The following KCND2 variants were observed in gnomAD, a reference collection of about 807,000 sequenced individuals.
KCND2 encodes the protein A-type voltage-gated potassium channel KCND2.
A neutral mutation model predicts 54.4 loss-of-function variants in KCND2; 16 were observed. The observed-to-expected ratio is 0.29, with a 90% CI of 0.20 to 0.45. The LOEUF (loss-of-function observed/expected upper bound fraction) is 0.45. KCND2 is among the 20% of genes least tolerant of loss of function. The probability of loss-of-function intolerance (pLI) is 1.00; values close to 1 mark genes in which losing one functional copy is unlikely to be tolerated. For missense variants in KCND2, 486 were observed against 824.2 expected, an observed-to-expected ratio of 0.59 and a Z score of 5.02; for synonymous variants, 317 against 310.7, an observed-to-expected ratio of 1.02 and a Z score of -0.21.
chr7:120,436,672 C>A (rs1283379864), intron 1 of KCND2, among the ~76,000 whole-genome samples: 1 of 152,170 alleles, frequency 6.6e-6, no homozygotes, highest in Non-Finnish European at 1.5e-5. Flanking sequence ...TCATCAGCCA[C>A]CCCTGCTGGC....
intron 1 of KCND2, among the ~76,000 whole-genome samples, chr7:120,608,518 G>GA (rs1195572646): frequency 6.6e-6 from 1 of 152,104 alleles, no homozygotes; most frequent in Non-Finnish European, 1.5e-5. Flanking sequence ...TCTGGTCCCA[G>GA]AAAAATAGAT....
At chr7:120,681,582 A>G (rs760395597) in intron 1 of KCND2, among the ~76,000 whole-genome samples, 13 of 152,148 alleles carry the variant, frequency 8.5e-5, no homozygotes, top group Non-Finnish European at 1.9e-4. Context: ...CACAAAATGA[A>G]GAAGTATGTA....
In KCND2 at chr7:120,701,824, C is replaced by T. The variant is rs912474930; in HGVS notation, c.1116-31079C>T. Among the ~76,000 whole-genome samples, 8 of 152,124 alleles carry T rather than the reference C, an allele frequency of 5.3e-5. No homozygotes were observed. The East Asian group carries it at 1.5e-3, about 29-fold the overall frequency. On this transcript the variant is annotated intron_variant, in intron 1 of 5. Transcript: ENST00000331113. ...AAATTAACTCAAGAAAGATTAAAGA[C>T]TTAAATGTAAAACTCAAAACTCTCA...
rs1235015088 is a variant in KCND2 at position 120,650,443 on chromosome 7, C to T, written c.1116-82460C>T. Among the ~76,000 whole-genome samples the T allele has an allele frequency of 3.5e-5, 5 of 142,724 alleles. 1 individual carries two copies. The highest frequency in any genetic ancestry group is 8.3e-5 in the African/African-American group (3 of 36,142). 93.6% of individuals were successfully genotyped at this position (142,724 alleles called of 152,430 possible). ...AGCTGTGCATTTGTCGTGTAGTTCT[C>T]GTGCCATGGTTTTCAGCTCCATCAG... On this transcript the variant is annotated intron_variant, in intron 1 of 5. Coordinates refer to ENST00000331113, the MANE Select transcript of KCND2 (RefSeq NM_012281.3).
At chr7:120,371,274 C>T (rs185512850) in intron 1 of KCND2, among the ~76,000 whole-genome samples, 3 of 152,164 alleles carry the variant, frequency 2.0e-5, no homozygotes, top group Middle Eastern at 3.4e-3. Context: ...GAAATAATTT[C>T]TGAGTAGATT....
At chr7:120,562,839 A>G (rs1027353471) in intron 1 of KCND2, among the ~76,000 whole-genome samples, 2 of 152,220 alleles carry the variant, frequency 1.3e-5, no homozygotes, top group African/African-American at 4.8e-5. Context: ...ATACAGACAC[A>G]GTTCAGAAAT....
chr7:120,711,607 C>A (rs1792539192), intron 1 of KCND2, among the ~76,000 whole-genome samples: 1 of 152,074 alleles, frequency 6.6e-6, no homozygotes, highest in African/African-American at 2.4e-5. Context: ...TGAGGATATA[C>A]CCGTTCTTGT....
At chr7:120,662,025 A>G (rs947287928) in intron 1 of KCND2, among the ~76,000 whole-genome samples, 1 of 152,092 alleles carries the variant, frequency 6.6e-6, no homozygotes, top group African/African-American at 2.4e-5. Flanking sequence ...ACCTATTATA[A>G]AAGTATTTAG....
At chr7:120,340,015 A>G (rs544801913) in intron 1 of KCND2, among the ~76,000 whole-genome samples, 1 of 152,250 alleles carries the variant, frequency 6.6e-6, no homozygotes, top group African/African-American at 2.4e-5. Flanking sequence ...TCAGAAAGGG[A>G]GTGGAGCCTA....
At chr7:120,323,553 G>A (rs910603629) in intron 1 of KCND2, among the ~76,000 whole-genome samples, 6 of 150,406 alleles carry the variant, frequency 4.0e-5, no homozygotes, top group Non-Finnish European at 8.9e-5. Flanking sequence ...GTGGTGTTTG[G>A]TTTTTTGTCC....
chr7:120,510,665 A>G (rs1452582750), intron 1 of KCND2, among the ~76,000 whole-genome samples: 1 of 152,062 alleles, frequency 6.6e-6, no homozygotes, highest in Non-Finnish European at 1.5e-5. Flanking sequence ...AAGGAGCACT[A>G]AATTATTTCC....
chr7:120,676,998 T>TTAAA (rs140867), intron 1 of KCND2, among the ~76,000 whole-genome samples: 53,139 of 151,724 alleles, frequency 0.35, 10,350 homozygotes, highest in African/African-American at 0.51. Flanking sequence ...TGAGTTCTGA[T>TTAAA]TAAACATTCA....
rs535180691 is a variant in KCND2 at position 120,670,976 on chromosome 7, T to G, written c.1116-61927T>G. 7.3e-5 allele frequency among the ~76,000 whole-genome samples: 11 copies of G among 149,924 alleles called. No individual in the cohort carries two copies. In the East Asian group the frequency reaches 2.2e-3, roughly 30 times the overall value. On this transcript the variant is annotated intron_variant, in intron 1 of 5. Transcript: ENST00000331113. ...ACAACATTGGTGTTATTATTACCTCTGAAAAGATTGCTAGTCCTTAATCTA... is the reference window on the plus strand; with the variant it reads ...ACAACATTGGTGTTATTATTACCTCGGAAAAGATTGCTAGTCCTTAATCTA...
intron 1 of KCND2, among the ~76,000 whole-genome samples, chr7:120,450,790 C>G (rs1219305996): frequency 6.6e-6 from 1 of 152,084 alleles, no homozygotes; most frequent in African/African-American, 2.4e-5. Flanking sequence ...AAAGAAATGA[C>G]CTACTGATCT....
chr7:120,624,573 A>C (rs997966559), intron 1 of KCND2, among the ~76,000 whole-genome samples: 3 of 152,232 alleles, frequency 2.0e-5, no homozygotes, highest in Admixed American at 6.5e-5. Flanking sequence ...TGAGCCCAGG[A>C]GTTCAAGACC....
chr7:120,433,202 C>T (rs1801819310), intron 1 of KCND2, among the ~76,000 whole-genome samples: 1 of 152,156 alleles, frequency 6.6e-6, no homozygotes, highest in Non-Finnish European at 1.5e-5. Flanking sequence ...GGGTGAAGAA[C>T]CCTGTTGAGC....
intron 1 of KCND2, among the ~76,000 whole-genome samples, chr7:120,570,720 T>C (rs1792355604): frequency 6.6e-6 from 1 of 152,136 alleles, no homozygotes; most frequent in South Asian, 2.1e-4. Flanking sequence ...TTATTTAGTA[T>C]AGTTTTATTT....
chr7:120,422,674 G>A (rs200084270), intron 1 of KCND2, among the ~76,000 whole-genome samples: 1 of 152,194 alleles, frequency 6.6e-6, no homozygotes, highest in East Asian at 1.9e-4. Flanking sequence ...TCTTCCGTCT[G>A]CCCTCCACCT....
At chr7:120,661,639 G>A (rs1791867233) in intron 1 of KCND2, among the ~76,000 whole-genome samples, 1 of 144,040 alleles carries the variant, frequency 6.9e-6, no homozygotes, top group African/African-American at 2.8e-5. Flanking sequence ...GACAGAGCTA[G>A]ACTTCTTCTC....
Sources: allele counts gnomAD v4.1 joint callset (sites outside exome capture counted in the v4.1 genomes callset), GRCh38; gene constraint gnomAD v4.1.1; transcripts MANE v1.5; gene names NCBI Gene and HGNC (gene_info 2026-07-23, HGNC 2026-07-21).